DCN: variants seen among roughly 807,000 people sequenced by gnomAD.
DCN encodes decorin.
A neutral mutation model predicts 36.5 loss-of-function variants in DCN; 17 were observed. The ratio of observed to expected loss-of-function variants is 0.47; its 90% CI spans 0.32 to 0.70. The LOEUF (loss-of-function observed/expected upper bound fraction) is 0.70, where lower values mean the gene tolerates loss of function less well. Among genes scored for constraint, DCN ranks in the 30% least tolerant of loss-of-function variants. The probability of loss-of-function intolerance (pLI) is 0.04; values close to 1 mark genes in which losing one functional copy is unlikely to be tolerated. For missense variants in DCN, 389 were observed against 430.1 expected (o/e 0.90, Z 0.84); for synonymous variants, 163 against 161.4 (o/e 1.01, Z -0.07).
chr12:91,146,125 T>G lies in DCN; in HGVS notation c.1013A>C (p.Glu338Ala). 6.2e-7 allele frequency: 1 copy of G among 1,613,928 alleles called. No homozygotes were observed. The highest frequency in any genetic ancestry group is 8.5e-7 in the Non-Finnish European group (1 of 1,179,920). ...SLFSNPVQYW[E>A]IQPSTFRCVY... ...ACATCTGAAGGTGGATGGCTGTATC[T>G]CCCAGTACTGGACCGGGTTGCTGAA... The change falls in exon 8 of 8, where the codon GAG becomes GCG. Residue 338 changes from glutamate (E) to alanine (A), a missense_variant. Glu to Ala is a moderately radical substitution (Grantham distance 107). Transcript: ENST00000052754.
At chr12:91,151,361 C>A in intron 7 of DCN, 1 of 341,310 alleles carries the variant, frequency 2.9e-6, no homozygotes, top group South Asian at 3.1e-5. Flanking sequence ...TCAAACTCCC[C>A]CTACTCACTA....
At chr12:91,171,092 G>A (rs1882928454) in intron 2 of DCN, among the ~76,000 whole-genome samples, 1 of 151,928 alleles carries the variant, frequency 6.6e-6, no homozygotes, top group Non-Finnish European at 1.5e-5. Flanking sequence ...AATTAGCCAG[G>A]TTCAATTTAT....
chr12:91,158,449 C>G lies in DCN; in HGVS notation c.385G>C (p.Val129Leu). 6.2e-7 allele frequency: 1 copy of G among 1,610,766 alleles called. No individual in the cohort carries two copies. The highest frequency in any genetic ancestry group is 8.5e-7 in the Non-Finnish European group (1 of 1,176,986). ...GACAGATAAAGTCGTTCCAACTTCA[C>G]CAAAGGTGTAAATGCTCCAGGACTA... The part of the protein sequence containing the change: ...KVSPGAFTPL[V>L]KLERLYLSKN... Residue 129 changes from valine (V) to leucine (L), a missense_variant, in exon 4 of 8, where the codon GTG becomes CTG. Transcript: ENST00000052754.
chr12:91,178,627 A>AAG (rs1288630440), intron 1 of DCN, 42 bp from the exon 2 acceptor site: 1 of 1,220,952 alleles, frequency 8.2e-7, no homozygotes, highest in African/African-American at 1.5e-5. Flanking sequence ...AGCACTGCCT[A>AAG]ATCTGTGTGT....
At chr12:91,179,213 A>G (rs1046550548) in intron 1 of DCN, 11 of 157,818 alleles carry the variant, frequency 7.0e-5, no homozygotes, top group African/African-American at 2.4e-4. Flanking sequence ...GCTTATCAAT[A>G]CTGTCCACAG....
At position 91,164,652 on chromosome 12, in the gene DCN, T is replaced by G; in HGVS notation, c.277A>C (p.Ile93Leu). The change falls in exon 3 of 8, where the codon ATA (isoleucine) becomes CTA (leucine). Residue 93 changes from isoleucine to leucine, a missense_variant. Physicochemically the swap from Ile to Leu is conservative, Grantham distance 5. Coordinates refer to ENST00000052754, the MANE Select transcript of DCN (RefSeq NM_001920.5). The part of the protein sequence containing the change: ...TTLLDLQNNK[I>L]TEIKDGDFKN... ...AAGTCTCCATCTTTGATTTCGGTTA[T>G]TTTGTTGTTTTGCAGGTCTAGCAGA... 6.2e-7 allele frequency: 1 copy of G among 1,613,284 alleles called. No individual in the cohort carries two copies.
chr12:91,152,786 TA>T (rs1162810519), intron 6 of DCN, among the ~76,000 whole-genome samples: 2 of 152,154 alleles, frequency 1.3e-5, no homozygotes, highest in East Asian at 3.8e-4. Context: ...TTGATGCAAA[TA>T]AGTTAGAACA....
rs780312819 is a variant in DCN at position 91,146,259 on chromosome 12, C to A, written c.886-7G>T. On this transcript the variant is annotated splice_region_variant and splice_polypyrimidine_tract_variant and intron_variant, in intron 7 of 7. Coordinates refer to ENST00000052754, the MANE Select transcript of DCN (RefSeq NM_001920.5). ...TGTTATGAAGGTAGACAACCTACAA[C>A]ATGAAACGATAGAAAATAATTATTA... 65 of 1,545,396 alleles carry A rather than the reference C, an allele frequency of 4.2e-5. No homozygotes were observed. Among genetic ancestry groups the A allele is most frequent in the Non-Finnish European group, 5.6e-5 (63 of 1,122,828 alleles).
At chr12:91,164,292 A>C (rs1482118531) in intron 3 of DCN, among the ~76,000 whole-genome samples, 1 of 150,908 alleles carries the variant, frequency 6.6e-6, no homozygotes, top group African/African-American at 2.4e-5. Context: ...GGTGCAGCGC[A>C]CCAGCATGGC....
At chr12:91,177,261 T>C (rs1367540226) in intron 2 of DCN, 3 of 335,914 alleles carry the variant, frequency 8.9e-6, no homozygotes, top group Non-Finnish European at 1.6e-5. Context: ...TCGTTACTAC[T>C]GAATATACTT....
intron 2 of DCN, among the ~76,000 whole-genome samples, chr12:91,173,447 A>G (rs1883100011): frequency 6.6e-6 from 1 of 151,952 alleles, no homozygotes; most frequent in Non-Finnish European, 1.5e-5. Flanking sequence ...CCTCCTCTCC[A>G]TCTTTAACCC....
In DCN at chr12:91,140,642, A is replaced by G. The variant is rs1880727630; in HGVS notation, c.*5416T>C. ...TCTGTGCTGATAAAGAAGGATCACAATCTATATTCCGGCATCTCTAGAATT... is the reference window on the plus strand; with the variant it reads ...TCTGTGCTGATAAAGAAGGATCACAGTCTATATTCCGGCATCTCTAGAATT... On this transcript the variant is annotated 3_prime_UTR_variant, in exon 8 of 8. Coordinates refer to ENST00000052754, the MANE Select transcript of DCN (RefSeq NM_001920.5). 6.6e-6 allele frequency: 1 copy of G among 152,186 alleles called. No individual in the cohort carries two copies. Among genetic ancestry groups the G allele is most frequent in the Non-Finnish European group, 1.5e-5 (1 of 68,024 alleles). The allele number at this position is 152,186 out of a possible 1,614,324, so 9.4% of individuals were successfully genotyped here. A position where few individuals can be genotyped will look rare whatever the true frequency, so the allele number is the denominator to read the frequency against.
rs1381249391 is a variant in DCN at position 91,141,959 on chromosome 12, A to G, written c.*4099T>C. 3.9e-5 allele frequency: 6 copies of G among 152,144 alleles called. No homozygotes were observed. The highest frequency in any genetic ancestry group is 1.4e-4 in the African/African-American group (6 of 41,426). The allele number at this position is 152,144 out of a possible 1,614,324, so 9.4% of individuals were successfully genotyped here. Reference sequence around the variant, plus strand: ...GTTCAACTTCTTTGAAGGTTGTTTTAGTTTCCTGAATGCGTATGCTTGTAT... The same window carrying G: ...GTTCAACTTCTTTGAAGGTTGTTTTGGTTTCCTGAATGCGTATGCTTGTAT... On this transcript the variant is annotated 3_prime_UTR_variant, in exon 8 of 8. Coordinates refer to ENST00000052754, the MANE Select transcript of DCN (RefSeq NM_001920.5).
chr12:91,144,071 C>T lies in DCN; in HGVS notation c.*1987G>A, dbSNP rs905476428. The T allele has an allele frequency of 6.6e-6, 1 of 152,026 alleles. No homozygotes were observed. The highest frequency in any genetic ancestry group is 1.5e-5 in the Non-Finnish European group (1 of 68,008). The allele number at this position is 152,026 out of a possible 1,614,324, so 9.4% of individuals were successfully genotyped here. A position where few individuals can be genotyped will look rare whatever the true frequency, so the allele number is the denominator to read the frequency against. On this transcript the variant is annotated 3_prime_UTR_variant, in exon 8 of 8. Coordinates refer to ENST00000052754, the MANE Select transcript of DCN (RefSeq NM_001920.5). The stretch of plus-strand genomic sequence containing the variant: ...AGATTTCTACTTATTTCTCACCACA[C>T]TTGTCAGTTAAGCAGCAGGATATCT...
Position 91,145,937 on chromosome 12 carries a change from A to T in DCN, c.*121T>A. The T allele has an allele frequency of 1.1e-6, 1 of 869,746 alleles. No individual in the cohort carries two copies. Among genetic ancestry groups the T allele is most frequent in the Non-Finnish European group, 1.9e-6 (1 of 539,214 alleles). 53.9% of individuals were successfully genotyped at this position (869,746 alleles called of 1,614,324 possible). A position where few individuals can be genotyped will look rare whatever the true frequency, so the allele number is the denominator to read the frequency against. On this transcript the variant is annotated 3_prime_UTR_variant, in exon 8 of 8. Transcript: ENST00000052754. ...TGGAAATTTGGCTTTATGCATAATA[A>T]GTCATGTGGGTAAAACATCCACATT...
In DCN at chr12:91,146,226, G is replaced by A; in HGVS notation, c.912C>T (p.Ile304=). 1 of 1,609,848 alleles carries A rather than the reference G, an allele frequency of 6.2e-7. No homozygotes were observed. ...IQVVYLHNNN[I]SVVGSSDFCP... ...AGAAGTCACTTGATCCAACTACAGA[G>A]ATATTGTTGTTATGAAGGTAGACAA... The change falls in exon 8 of 8, where the codon ATC becomes ATT. Residue 304 remains isoleucine, a synonymous_variant. Transcript: ENST00000052754.
At chr12:91,152,813 T>C (rs3138266) in intron 6 of DCN, among the ~76,000 whole-genome samples, 2,591 of 152,238 alleles carry the variant, frequency 0.017, 70 homozygotes, top group African/African-American at 0.058. Context: ...AATGCACATA[T>C]TGATTTAATC....
At position 91,163,933 on chromosome 12, in the gene DCN, AT is replaced by A. The variant is rs1022304453; in HGVS notation, c.324+671del. Among the ~76,000 whole-genome samples, 119 of 152,318 alleles carry A rather than the reference AT, an allele frequency of 7.8e-4. 2 individuals are homozygous for A. The highest frequency in any genetic ancestry group is 2.8e-3 in the African/African-American group (116 of 41,578). ...TGTTCCACTATTAAAATACAATTTA[AT>A]TTGAAAGACAATTTTTATTCCTGAA... is the stretch of plus-strand genomic sequence containing the variant. On this transcript the variant is annotated intron_variant, in intron 3 of 7. Transcript: ENST00000052754.
At chr12:91,170,623 T>A (rs1882899428) in intron 2 of DCN, among the ~76,000 whole-genome samples, 1 of 152,214 alleles carries the variant, frequency 6.6e-6, no homozygotes, top group South Asian at 2.1e-4. Flanking sequence ...AATGCTACAC[T>A]CTTTTGCAAA....
Sources: gnomAD v4.1 joint callset for allele counts (sites outside exome capture counted in the v4.1 genomes callset) on GRCh38, gnomAD v4.1.1 for gene constraint, MANE v1.5 for transcripts, NCBI Gene and HGNC (gene_info 2026-07-23, HGNC 2026-07-21) for gene names.